Variants in RAD51B observed in about 807,000 individuals in gnomAD.
RAD51B encodes the protein RAD51 paralog B, also known as DNA repair protein RAD51 homolog 2.
RAD51B carries 38 observed loss-of-function variants against 42.2 expected under a neutral mutation model. The ratio of observed to expected loss-of-function variants is 0.90; its 90% CI spans 0.70 to 1.18. RAD51B has a LOEUF of 1.18. RAD51B is among the 50% of genes most tolerant of loss of function. The pLI, the probability that RAD51B is intolerant of heterozygous loss-of-function variation, is 0.00. For missense variants in RAD51B, 373 were observed against 400.7 expected (o/e 0.93, Z 0.59); for synonymous variants, 154 against 145.2 (o/e 1.06, Z -0.43).
At chr14:68,156,597 A>C (rs531499314) in intron 7 of RAD51B, among the ~76,000 whole-genome samples, 65 of 152,138 alleles carry the variant, frequency 4.3e-4, no homozygotes, top group African/African-American at 1.5e-3. Flanking sequence ...TTTTTAAAAA[A>C]TTTCTATGTT....
At chr14:68,587,446 C>T (rs986274118) in intron 10 of RAD51B, among the ~76,000 whole-genome samples, 2 of 152,102 alleles carry the variant, frequency 1.3e-5, no homozygotes, top group African/African-American at 4.8e-5. Flanking sequence ...AACCAGGAAC[C>T]CAAGACAGCT....
chr14:68,041,770 C>T (rs994151093), intron 7 of RAD51B, among the ~76,000 whole-genome samples: 2 of 152,118 alleles, frequency 1.3e-5, no homozygotes, highest in African/African-American at 4.8e-5. Context: ...TTTCCTTCTC[C>T]CACCAGTTCT....
At chr14:68,659,435 C>A (rs1247036146) in intron 11 of RAD51B, among the ~76,000 whole-genome samples, 1 of 151,768 alleles carries the variant, frequency 6.6e-6, no homozygotes, top group African/African-American at 2.4e-5. Flanking sequence ...ATGTTTTCTG[C>A]AATATAAACA....
intron 7 of RAD51B, among the ~76,000 whole-genome samples, chr14:67,888,048 A>C (rs1479236861): frequency 6.6e-6 from 1 of 152,212 alleles, no homozygotes; most frequent in Non-Finnish European, 1.5e-5. Flanking sequence ...TTGGAAAATT[A>C]AAATCTTGGA....
intron 10 of RAD51B, among the ~76,000 whole-genome samples, chr14:68,649,434 T>C (rs1011887336): frequency 1.3e-5 from 2 of 152,188 alleles, no homozygotes; most frequent in African/African-American, 4.8e-5. Flanking sequence ...CTTTGTACTC[T>C]CTGTTTCCAC....
intron 7 of RAD51B, among the ~76,000 whole-genome samples, chr14:68,019,696 A>G (rs2075832635): frequency 6.6e-6 from 1 of 152,180 alleles, no homozygotes; most frequent in African/African-American, 2.4e-5. Flanking sequence ...AATTCCCAGT[A>G]TATGCCAAGG....
intron 7 of RAD51B, among the ~76,000 whole-genome samples, chr14:68,223,266 G>C (rs990081698): frequency 6.6e-6 from 1 of 152,152 alleles, no homozygotes; most frequent in Non-Finnish European, 1.5e-5. Context: ...GACGGTTTCT[G>C]TCTCATTACT....
intron 8 of RAD51B, among the ~76,000 whole-genome samples, chr14:68,393,959 CAG>C (rs2083836867): frequency 6.6e-6 from 1 of 152,038 alleles, no homozygotes; most frequent in South Asian, 2.1e-4. Context: ...GGGAAGAAGA[CAG>C]AGGAAGAGAA....
chr14:68,652,233 C>T (rs1892717151), intron 11 of RAD51B, among the ~76,000 whole-genome samples: 1 of 152,248 alleles, frequency 6.6e-6, no homozygotes, highest in Non-Finnish European at 1.5e-5. Flanking sequence ...AGTCTGCGCT[C>T]CAGATGCCGA....
intron 7 of RAD51B, among the ~76,000 whole-genome samples, chr14:68,143,573 A>G (rs936591714): frequency 1.9e-4 from 29 of 152,196 alleles, no homozygotes; most frequent in African/African-American, 6.8e-4. Context: ...AACTTTGGCT[A>G]GCTCTTATTT....
At chr14:67,889,584 C>G (rs2043158692) in intron 7 of RAD51B, among the ~76,000 whole-genome samples, 1 of 146,452 alleles carries the variant, frequency 6.8e-6, no homozygotes, top group Non-Finnish European at 1.5e-5. Flanking sequence ...TCAGCTTTTC[C>G]CCCCCTTTCT....
intron 10 of RAD51B, among the ~76,000 whole-genome samples, chr14:68,492,464 G>C (rs554155202): frequency 6.6e-6 from 1 of 152,284 alleles, no homozygotes; most frequent in African/African-American, 2.4e-5. Flanking sequence ...AGAAGTCCAG[G>C]ATATAACATC....
chr14:68,307,177 G>T (rs1163043904), intron 8 of RAD51B, among the ~76,000 whole-genome samples: 9 of 152,022 alleles, frequency 5.9e-5, no homozygotes, highest in Non-Finnish European at 1.3e-4. Context: ...CAAGCCCCTA[G>T]GCCCTGATCC....
intron 10 of RAD51B, among the ~76,000 whole-genome samples, chr14:68,517,183 A>G (rs1375351586): frequency 6.6e-6 from 1 of 151,168 alleles, no homozygotes; most frequent in African/African-American, 2.4e-5. Context: ...AATGCTTGAT[A>G]CTTTGTTTCC....
chr14:68,200,239 C>T (rs781504191), intron 7 of RAD51B, among the ~76,000 whole-genome samples: 1 of 152,108 alleles, frequency 6.6e-6, no homozygotes, highest in Admixed American at 6.5e-5. Flanking sequence ...GCAATCTCAG[C>T]GTCTGGCATG....
intron 9 of RAD51B, among the ~76,000 whole-genome samples, chr14:68,463,475 A>C (rs1455723304): frequency 6.6e-6 from 1 of 152,174 alleles, no homozygotes; most frequent in Non-Finnish European, 1.5e-5. Context: ...AGCAATATAC[A>C]TCTTAATATA....
chr14:68,161,132 G>A (rs2078630576), intron 7 of RAD51B, among the ~76,000 whole-genome samples: 1 of 152,150 alleles, frequency 6.6e-6, no homozygotes, highest in African/African-American at 2.4e-5. Context: ...ACACCTGTTT[G>A]AGATAGGCAC....
chr14:68,327,383 T>TTTG (rs2082271015), intron 8 of RAD51B, among the ~76,000 whole-genome samples: 1 of 22,672 alleles, frequency 4.4e-5, no homozygotes, highest in African/African-American at 7.9e-5. Flanking sequence ...TTTTTTGTTG[T>TTTG]TTTTTTTTTT....
At chr14:68,413,066 A>G (rs1054639223) in intron 9 of RAD51B, among the ~76,000 whole-genome samples, 3 of 152,206 alleles carry the variant, frequency 2.0e-5, no homozygotes, top group Non-Finnish European at 4.4e-5. Flanking sequence ...GATTTCATCT[A>G]TTATATATGG....
Sources: gnomAD v4.1 joint callset for allele counts (sites outside exome capture counted in the v4.1 genomes callset) on GRCh38, gnomAD v4.1.1 for gene constraint, MANE v1.5 for transcripts, NCBI Gene and HGNC (gene_info 2026-07-23, HGNC 2026-07-21) for gene names.